SPOCK3: variants seen among roughly 807,000 people sequenced by gnomAD.
The protein encoded by SPOCK3 is testican-3.
Under a neutral mutation model 56.6 loss-of-function variants are expected in SPOCK3, and 30 were observed. The ratio of observed to expected loss-of-function variants is 0.53; its 90% confidence interval spans 0.40 to 0.72. The LOEUF (loss-of-function observed/expected upper bound fraction) is 0.72, where lower values mean the gene tolerates loss of function less well. Among genes scored for constraint, SPOCK3 ranks in the 30% least tolerant of loss-of-function variants. SPOCK3 has a pLI of 0.00. For synonymous variants in SPOCK3, 196 were observed against 183.3 expected (o/e 1.07, Z -0.56); for missense variants, 527 against 530.0 (o/e 0.99, Z 0.06).
chr4:166,821,408 G>A lies in SPOCK3; in HGVS notation c.590-29119C>T, dbSNP rs140390957. 6.0e-4 allele frequency among the ~76,000 whole-genome samples: 91 copies of A among 152,068 alleles called. 1 individual carries two copies. Among genetic ancestry groups the A allele is most frequent in the Non-Finnish European group, 1.1e-3 (77 of 67,934 alleles). ...TTGGTAGTACCTCAAAAATTTAACT[G>A]TAAACTTGCTGTATGACTCAACAAT... On this transcript the variant is annotated intron_variant, in intron 6 of 10. Coordinates refer to ENST00000357545, the MANE Select transcript of SPOCK3 (RefSeq NM_001040159.2).
chr4:167,144,815 G>A (rs1255967583), intron 2 of SPOCK3, among the ~76,000 whole-genome samples: 1 of 151,580 alleles, frequency 6.6e-6, no homozygotes, highest in Non-Finnish European at 1.5e-5. Flanking sequence ...CAGGAAGCTG[G>A]AGAAGAGAGT....
intron 6 of SPOCK3, among the ~76,000 whole-genome samples, chr4:166,841,423 A>T (rs571530790): frequency 2.4e-4 from 37 of 152,274 alleles, no homozygotes; most frequent in South Asian, 8.3e-4. Context: ...AATAATTTTT[A>T]AAAAAATTTC....
At chr4:166,753,702 A>C (rs1365703311) in intron 8 of SPOCK3, among the ~76,000 whole-genome samples, 1 of 152,096 alleles carries the variant, frequency 6.6e-6, no homozygotes, top group African/African-American at 2.4e-5. Flanking sequence ...CATTGACAAC[A>C]GCAGGCTTTA....
Position 167,234,062 on chromosome 4 carries a change from A to G in SPOCK3, c.112T>C (p.Phe38Leu). Residue 38 changes from phenylalanine to leucine, a missense_variant, in exon 2 of 11, where the codon TTT (phenylalanine) becomes CTT (leucine). Physicochemically the swap from Phe to Leu is conservative, Grantham distance 22. Transcript: ENST00000357545. ...AAGGRSDGGNFLDDKQWLTTI... is the reference protein window; with the variant it reads ...AAGGRSDGGNLLDDKQWLTTI... ...GTGAGCCATTGTTTATCATCCAGAAAATTACCGCCGTCCGACCGCCCCCCG... is the reference window on the plus strand; with the variant it reads ...GTGAGCCATTGTTTATCATCCAGAAGATTACCGCCGTCCGACCGCCCCCCG... The G allele has an allele frequency of 6.2e-7, 1 of 1,613,856 alleles. No homozygotes were observed. The highest frequency in any genetic ancestry group is 8.5e-7 in the Non-Finnish European group (1 of 1,179,988).
intron 2 of SPOCK3, among the ~76,000 whole-genome samples, chr4:167,077,636 G>A (rs1443469164): frequency 1.3e-5 from 2 of 151,760 alleles, no homozygotes; most frequent in Non-Finnish European, 2.9e-5. Context: ...TTCTAATGTG[G>A]CCCAATACTA....
chr4:167,224,954 C>A (rs943275631), intron 2 of SPOCK3, among the ~76,000 whole-genome samples: 4 of 152,142 alleles, frequency 2.6e-5, no homozygotes, highest in Non-Finnish European at 5.9e-5. Context: ...CATGAGCCAC[C>A]ACACCCATCC....
intron 9 of SPOCK3, 43 bp downstream of exon 9, chr4:166,741,954 T>G: frequency 7.4e-7 from 1 of 1,343,676 alleles, no homozygotes; most frequent in South Asian, 1.2e-5. Context: ...TGGGGTTATT[T>G]ATGTAAGCAA....
chr4:166,926,111 G>T (rs10014833), intron 4 of SPOCK3, among the ~76,000 whole-genome samples: 58,025 of 151,932 alleles, frequency 0.38, 12,426 homozygotes, highest in East Asian at 0.69. Flanking sequence ...TATTTGAATA[G>T]CATAGTCATC....
At chr4:167,080,538 C>T (rs988852219) in intron 2 of SPOCK3, among the ~76,000 whole-genome samples, 1 of 151,898 alleles carries the variant, frequency 6.6e-6, no homozygotes, top group African/African-American at 2.4e-5. Flanking sequence ...GATCATATTC[C>T]ATTTTAGGAA....
intron 6 of SPOCK3, among the ~76,000 whole-genome samples, chr4:166,792,929 C>G (rs1289726123): frequency 6.6e-6 from 1 of 152,064 alleles, no homozygotes; most frequent in Non-Finnish European, 1.5e-5. Flanking sequence ...GTAACTTCCT[C>G]TTTGTTTTTT....
At chr4:167,210,458 T>C (rs1390958940) in intron 2 of SPOCK3, among the ~76,000 whole-genome samples, 1 of 152,126 alleles carries the variant, frequency 6.6e-6, no homozygotes, top group Non-Finnish European at 1.5e-5. Context: ...AGATGGTACG[T>C]CTTGGGTAGT....
chr4:167,233,932 C>T (rs1376505183), intron 2 of SPOCK3, 53 bp downstream of exon 2: 3 of 1,534,874 alleles, frequency 2.0e-6, no homozygotes, highest in Non-Finnish European at 2.7e-6. Context: ...CCGCGGCCCC[C>T]GCCTCGGAGC....
At chr4:166,811,630 TTAAGA>T (rs1743814646) in intron 6 of SPOCK3, among the ~76,000 whole-genome samples, 1 of 151,842 alleles carries the variant, frequency 6.6e-6, no homozygotes, top group East Asian at 1.9e-4. Flanking sequence ...CAGAGATCAG[TTAAGA>T]TAAGAGATTG....
At chr4:167,061,601 A>C (rs1173575103) in intron 3 of SPOCK3, among the ~76,000 whole-genome samples, 2 of 151,918 alleles carry the variant, frequency 1.3e-5, no homozygotes, top group Non-Finnish European at 2.9e-5. Context: ...TTAAGTAAAA[A>C]TCTGGTAACA....
intron 3 of SPOCK3, among the ~76,000 whole-genome samples, chr4:167,030,847 G>C: frequency 6.6e-6 from 1 of 151,950 alleles, no homozygotes; most frequent in East Asian, 1.9e-4. Context: ...TTTAATACCT[G>C]TTTCTCCAAC....
At chr4:167,160,818 G>A (rs1765233562) in intron 2 of SPOCK3, among the ~76,000 whole-genome samples, 1 of 152,146 alleles carries the variant, frequency 6.6e-6, no homozygotes, top group Non-Finnish European at 1.5e-5. Flanking sequence ...AAATGGTGCT[G>A]GGCAAACTGG....
intron 3 of SPOCK3, among the ~76,000 whole-genome samples, chr4:167,018,735 CACCTGTCCTTCAGGT>C (rs1750887618): frequency 6.6e-6 from 1 of 151,944 alleles, no homozygotes; most frequent in African/African-American, 2.4e-5. Flanking sequence ...GTTGGAATGC[CACCTGTCCTTCAGGT>C]GGTCTGTTTG....
At chr4:166,933,844 A>G (rs1740071320) in intron 4 of SPOCK3, among the ~76,000 whole-genome samples, 1 of 152,214 alleles carries the variant, frequency 6.6e-6, no homozygotes. Flanking sequence ...TCCTGCAATG[A>G]AATCCATGGT....
intron 7 of SPOCK3, among the ~76,000 whole-genome samples, chr4:166,765,363 A>G (rs1231676314): frequency 2.6e-5 from 4 of 152,196 alleles, no homozygotes; most frequent in African/African-American, 9.7e-5. Flanking sequence ...TAATTTTTGT[A>G]TAAGACATAA....
Sources: allele counts gnomAD v4.1 joint callset (sites outside exome capture counted in the v4.1 genomes callset), GRCh38; gene constraint gnomAD v4.1.1; transcripts MANE v1.5; gene names NCBI Gene and HGNC (gene_info 2026-07-23, HGNC 2026-07-21).